MTHFD2L: variants seen among roughly 807,000 people sequenced by gnomAD.
MTHFD2L encodes the protein methylenetetrahydrofolate dehydrogenase (NADP+ dependent) 2 like, also known as bifunctional methylenetetrahydrofolate dehydrogenase/cyclohydrolase 2, mitochondrial.
In MTHFD2L, 29 loss-of-function variants were observed where a neutral mutation model predicts 34.9. That is an observed-to-expected ratio of 0.83 (90% CI 0.62 to 1.13). MTHFD2L has a LOEUF of 1.13. Ranked by LOEUF, MTHFD2L falls within the 50% of genes most tolerant of loss-of-function variation. The pLI is 0.00. For synonymous variants in MTHFD2L, 167 were observed against 155.7 expected (o/e 1.07, Z -0.54); for missense variants, 481 against 446.5 (o/e 1.08, Z -0.70).
intron 6 of MTHFD2L, among the ~76,000 whole-genome samples, chr4:74,277,042 C>T (rs1560553359): frequency 6.6e-6 from 1 of 151,944 alleles, no homozygotes. Context: ...CTAGATGCTT[C>T]TGCAGTCCAA....
chr4:74,140,685 A>C (rs1212985167), intron 1 of MTHFD2L: 2 of 358,688 alleles, frequency 5.6e-6, no homozygotes, highest in African/African-American at 4.4e-5. Context: ...ACAGTTCCAC[A>C]GGGCCGGGAG....
chr4:74,120,265 A>G (rs1398154999), upstream of MTHFD2L, among the ~76,000 whole-genome samples: 1 of 152,208 alleles, frequency 6.6e-6, no homozygotes, highest in Non-Finnish European at 1.5e-5. Flanking sequence ...TTGAGGTACA[A>G]TTGTTACAGA....
chr4:74,215,695 C>T (rs556992131), intron 5 of MTHFD2L, among the ~76,000 whole-genome samples: 1 of 151,786 alleles, frequency 6.6e-6, no homozygotes, highest in South Asian at 2.1e-4. Context: ...ACTAAAAATT[C>T]CACCCTCACG....
intron 1 of MTHFD2L, among the ~76,000 whole-genome samples, chr4:74,137,451 A>G (rs1046061233): frequency 2.6e-5 from 4 of 152,168 alleles, no homozygotes; most frequent in Non-Finnish European, 4.4e-5. Context: ...GCTTGTATCA[A>G]AAAGATAGAT....
chr4:74,223,983 G>A (rs1324633718), intron 5 of MTHFD2L: 1 of 152,034 alleles, frequency 6.6e-6, no homozygotes, highest in Non-Finnish European at 1.5e-5. Context: ...TATTGATGCT[G>A]TGTCACATCC....
intron 6 of MTHFD2L, among the ~76,000 whole-genome samples, chr4:74,234,704 G>A (rs977551507): frequency 2.6e-5 from 4 of 151,918 alleles, no homozygotes; most frequent in African/African-American, 9.7e-5. Context: ...AGAAAGATGT[G>A]CAAACAAATT....
chr4:74,224,845 C>T (rs1025502726), intron 5 of MTHFD2L, among the ~76,000 whole-genome samples: 6 of 152,094 alleles, frequency 3.9e-5, no homozygotes, highest in African/African-American at 1.4e-4. Context: ...GTATTTCCTC[C>T]TTTAGGAATC....
chr4:74,143,314 T>C (rs940066171), intron 1 of MTHFD2L: 3 of 672,332 alleles, frequency 4.5e-6, no homozygotes, highest in Middle Eastern at 7.3e-4. Context: ...GAATGGAGTT[T>C]TCATATGGCT....
intron 7 of MTHFD2L, among the ~76,000 whole-genome samples, chr4:74,295,673 A>G (rs1019203515): frequency 6.6e-6 from 1 of 152,172 alleles, no homozygotes; most frequent in African/African-American, 2.4e-5. Context: ...GATATTTTCT[A>G]TGAGCCTCTA....
chr4:74,281,586 T>TA (rs779406788), intron 7 of MTHFD2L, 36 bp downstream of exon 7: 107 of 1,568,646 alleles, frequency 6.8e-5, no homozygotes, highest in East Asian at 6.1e-4. Flanking sequence ...GTGAAGAAGA[T>TA]AAAAAAATTC....
At chr4:74,246,475 T>G (rs958988015) in intron 6 of MTHFD2L, among the ~76,000 whole-genome samples, 15 of 152,156 alleles carry the variant, frequency 9.9e-5, no homozygotes, top group African/African-American at 3.6e-4. Context: ...AGAAGCTCTT[T>G]AGTTTAATTA....
chr4:74,118,370 G>A (rs185934980), upstream of MTHFD2L, among the ~76,000 whole-genome samples: 601 of 152,212 alleles, frequency 3.9e-3, 1 homozygote, highest in Admixed American at 6.0e-3. Context: ...TACTGCAAAG[G>A]CTCTTCAACA....
intron 5 of MTHFD2L, among the ~76,000 whole-genome samples, chr4:74,222,985 G>A (rs978323801): frequency 3.9e-5 from 6 of 151,984 alleles, no homozygotes; most frequent in Non-Finnish European, 7.4e-5. Context: ...ATCATTGGTG[G>A]GAGTGTAAAT....
Position 74,220,065 on chromosome 4 carries a change from G to A in MTHFD2L, c.713-5237G>A, listed in dbSNP as rs1407167434. On this transcript the variant is annotated intron_variant, in intron 5 of 7. Transcript: ENST00000325278. ...GAAATAATCAGTACTGATGGAAATGGGAAGTTTCAGTTTCATTTTGGTTTT... is the reference window on the plus strand; with the variant it reads ...GAAATAATCAGTACTGATGGAAATGAGAAGTTTCAGTTTCATTTTGGTTTT... Among the ~76,000 whole-genome samples, 8 of 147,408 alleles carry A rather than the reference G, an allele frequency of 5.4e-5. No individual in the cohort carries two copies. In the East Asian group the frequency reaches 1.6e-3, roughly 30 times the overall value.
Position 74,267,730 on chromosome 4 carries a change from G to A in MTHFD2L, c.806-13695G>A, listed in dbSNP as rs553720799. ...GATTACAGGTGCCCTCAGAGAATAA[G>A]GTTTGATTGATGGGAGGAAGAAAAG... On this transcript the variant is annotated intron_variant, in intron 6 of 7. Coordinates refer to ENST00000325278, the MANE Select transcript of MTHFD2L (RefSeq NM_001144978.3). 9.1e-6 allele frequency: 9 copies of A among 985,310 alleles called. No individual in the cohort carries two copies. In the East Asian group the frequency reaches 9.1e-4, roughly 99 times the overall value. 61.0% of individuals were successfully genotyped at this position (985,310 alleles called of 1,614,324 possible).
chr4:74,249,224 A>C (rs960829475), intron 6 of MTHFD2L, among the ~76,000 whole-genome samples: 179 of 149,620 alleles, frequency 1.2e-3, no homozygotes, highest in African/African-American at 4.2e-3. Context: ...TGATCCCTTT[A>C]CCATTATGTA....
chr4:74,178,471 G>T (rs1044735283), intron 3 of MTHFD2L, among the ~76,000 whole-genome samples: 4 of 151,984 alleles, frequency 2.6e-5, no homozygotes, highest in African/African-American at 9.7e-5. Flanking sequence ...CTTATTTGGT[G>T]AATTTATTAG....
intron 6 of MTHFD2L, among the ~76,000 whole-genome samples, chr4:74,236,942 T>A (rs1313650215): frequency 6.6e-6 from 1 of 152,164 alleles, no homozygotes; most frequent in Non-Finnish European, 1.5e-5. Flanking sequence ...TGGGATTATA[T>A]GAAGTTGTAC....
At chr4:74,116,964 C>T (rs370828504) in intron 2 of MTHFD2L, among the ~76,000 whole-genome samples, 54 of 152,330 alleles carry the variant, frequency 3.5e-4, no homozygotes, top group African/African-American at 1.2e-3. Context: ...AACCACATAT[C>T]GTTTTCTCTT....
Sources: gnomAD v4.1 joint callset for allele counts (sites outside exome capture counted in the v4.1 genomes callset) on GRCh38, gnomAD v4.1.1 for gene constraint, MANE v1.5 for transcripts, NCBI Gene and HGNC (gene_info 2026-07-23, HGNC 2026-07-21) for gene names.